Variants in SPECC1 observed in about 807,000 individuals in gnomAD.
The protein encoded by SPECC1 is cytospin-B.
In SPECC1, 62 loss-of-function variants were observed where a neutral mutation model predicts 104.1. That is an observed-to-expected ratio of 0.60 (90% CI 0.49 to 0.74). SPECC1 has a LOEUF of 0.74. Among genes scored for constraint, SPECC1 ranks in the 30% least tolerant of loss-of-function variants. SPECC1 has a pLI of 0.00. For synonymous variants in SPECC1, 513 were observed against 501.6 expected (o/e 1.02, Z -0.30); for missense variants, 1,306 against 1,310.5 (o/e 1.00, Z 0.05).
At chr17:20,290,814 C>T (rs1385148728) in intron 12 of SPECC1, among the ~76,000 whole-genome samples, 3 of 152,188 alleles carry the variant, frequency 2.0e-5, no homozygotes, top group African/African-American at 7.2e-5. Context: ...AAAAACTATT[C>T]TTGACAGTGT....
chr17:20,229,690 C>A (rs2038453950), intron 5 of SPECC1, among the ~76,000 whole-genome samples: 2 of 151,952 alleles, frequency 1.3e-5, no homozygotes, highest in South Asian at 2.1e-4. Context: ...AATAAAAAAA[C>A]CAAACCAAAC....
chr17:20,236,329 T>C (rs1483356521), intron 7 of SPECC1, among the ~76,000 whole-genome samples: 3 of 152,160 alleles, frequency 2.0e-5, no homozygotes, highest in Admixed American at 6.5e-5. Flanking sequence ...CACCTAGTAC[T>C]CTTTTTTTCA....
intron 1 of SPECC1, among the ~76,000 whole-genome samples, chr17:20,060,260 A>G (rs2046134402): frequency 6.6e-6 from 1 of 152,210 alleles, no homozygotes; most frequent in African/African-American, 2.4e-5. Context: ...TTGAGGAATA[A>G]CTTGGTTGGT....
At chr17:20,237,216 G>T (rs1480371911) in intron 7 of SPECC1, 3 of 1,261,852 alleles carry the variant, frequency 2.4e-6, no homozygotes, top group Non-Finnish European at 3.0e-6. Flanking sequence ...CAGCTGGAGT[G>T]CTGAAAAGGG....
At chr17:20,171,171 A>G (rs2034060944) in intron 3 of SPECC1, among the ~76,000 whole-genome samples, 1 of 152,226 alleles carries the variant, frequency 6.6e-6, no homozygotes, top group South Asian at 2.1e-4. Flanking sequence ...TATACTTCCA[A>G]ACTGGACCAA....
At chr17:20,175,978 G>A (rs1449627312) in intron 3 of SPECC1, among the ~76,000 whole-genome samples, 1 of 152,176 alleles carries the variant, frequency 6.6e-6, no homozygotes, top group African/African-American at 2.4e-5. Flanking sequence ...AATGAATTAG[G>A]CCTGATTTAA....
At chr17:20,114,388 C>G (rs1327275924) in intron 3 of SPECC1, among the ~76,000 whole-genome samples, 3 of 152,056 alleles carry the variant, frequency 2.0e-5, no homozygotes, top group Admixed American at 1.3e-4. Flanking sequence ...GACAGGGTTT[C>G]ACCATGTTAG....
In SPECC1 at chr17:20,129,169, C is replaced by T. The variant is rs188646903; in HGVS notation, c.283+18607C>T. Among the ~76,000 whole-genome samples, 510 of 151,026 alleles carry T rather than the reference C, an allele frequency of 3.4e-3. 3 individuals carry two copies. The highest frequency in any genetic ancestry group is 0.012 in the African/African-American group (484 of 41,150). On this transcript the variant is annotated intron_variant, in intron 3 of 14. Coordinates refer to ENST00000395527, the MANE Select transcript of SPECC1 (RefSeq NM_001243439.2). ...AGATTATGGGTGTGAGCCACTGTGC[C>T]TGGCCTGTTTTGTTTTTTTTTGTTT...
At chr17:20,203,295 A>G (rs1241932235) in intron 3 of SPECC1, among the ~76,000 whole-genome samples, 2 of 152,058 alleles carry the variant, frequency 1.3e-5, no homozygotes, top group East Asian at 1.9e-4. Flanking sequence ...AAAAAAAAAA[A>G]AAGTCCAGGA....
At chr17:20,035,357 T>C (rs2045024952) in intron 1 of SPECC1, among the ~76,000 whole-genome samples, 1 of 152,232 alleles carries the variant, frequency 6.6e-6, no homozygotes, top group South Asian at 2.1e-4. Flanking sequence ...AATGTTATCC[T>C]GTGTAATAAT....
chr17:20,316,670 G>GT lies in SPECC1; in HGVS notation c.*2612dup, dbSNP rs979858959. On this transcript the variant is annotated 3_prime_UTR_variant, in exon 15 of 15. Transcript: ENST00000395527. ...CAGGCATGAGCCACTGAGCCCGGCT[G>GT]TTTTTTTGTGTTTTTTTTGTTGTTG... 4 of 180,956 alleles carry GT rather than the reference G, an allele frequency of 2.2e-5. No individual in the cohort carries two copies. The highest frequency in any genetic ancestry group is 9.0e-5 in the East Asian group (1 of 11,168). 11.2% of individuals were successfully genotyped at this position (180,956 alleles called of 1,614,324 possible). A position where few individuals can be genotyped will look rare whatever the true frequency, so the allele number is the denominator to read the frequency against.
At chr17:20,203,065 A>C (rs187089857) in intron 3 of SPECC1, among the ~76,000 whole-genome samples, 1 of 152,160 alleles carries the variant, frequency 6.6e-6, no homozygotes, top group Non-Finnish European at 1.5e-5. Flanking sequence ...TGGTGGGTTT[A>C]CAGCTGCCCA....
intron 1 of SPECC1, among the ~76,000 whole-genome samples, chr17:20,095,293 C>A (rs966713728): frequency 6.6e-6 from 1 of 152,220 alleles, no homozygotes; most frequent in African/African-American, 2.4e-5. Flanking sequence ...AAAGCTGAGA[C>A]TCATAAGGTT....
chr17:20,101,748 C>T (rs1291244989), intron 2 of SPECC1, among the ~76,000 whole-genome samples: 1 of 152,186 alleles, frequency 6.6e-6, no homozygotes, highest in Non-Finnish European at 1.5e-5. Flanking sequence ...TCCTAAGGCT[C>T]CCATGTCACT....
intron 2 of SPECC1, among the ~76,000 whole-genome samples, chr17:20,102,465 ATCC>A: frequency 6.6e-6 from 1 of 152,162 alleles, no homozygotes; most frequent in Non-Finnish European, 1.5e-5. Flanking sequence ...CATCATACTT[ATCC>A]TGTTGTCTGG....
intron 3 of SPECC1, among the ~76,000 whole-genome samples, chr17:20,200,289 A>G (rs1433638612): frequency 6.6e-6 from 1 of 152,192 alleles, no homozygotes; most frequent in Admixed American, 6.5e-5. Context: ...TTTTATATGA[A>G]TTCTATGAAT....
At chr17:20,260,354 T>G in intron 12 of SPECC1, 60 bp downstream of exon 12, 1 of 1,434,122 alleles carries the variant, frequency 7.0e-7, no homozygotes, top group Non-Finnish European at 9.7e-7. Flanking sequence ...CCTGTGCCAA[T>G]ACATGTTCCT....
intron 12 of SPECC1, among the ~76,000 whole-genome samples, chr17:20,280,193 T>G (rs1235390756): frequency 6.6e-6 from 1 of 152,204 alleles, no homozygotes; most frequent in East Asian, 1.9e-4. Flanking sequence ...CCTGCATGTG[T>G]CGTCAGAGAA....
At chr17:20,237,309 T>G in intron 7 of SPECC1, 1 of 1,065,388 alleles carries the variant, frequency 9.4e-7, no homozygotes, top group Non-Finnish European at 1.1e-6. Flanking sequence ...GTTGTTGTTT[T>G]GTTTTGTTTT....
Sources: allele counts gnomAD v4.1 joint callset (sites outside exome capture counted in the v4.1 genomes callset), GRCh38; gene constraint gnomAD v4.1.1; transcripts MANE v1.5; gene names NCBI Gene and HGNC (gene_info 2026-07-23, HGNC 2026-07-21).